Variants in ELOVL4 observed in about 807,000 individuals in gnomAD.
ELOVL4 encodes the protein very long chain fatty acid elongase 4.
ELOVL4 carries 18 observed loss-of-function variants against 42.1 expected under a neutral mutation model. The observed-to-expected ratio is 0.43, with a 90% CI of 0.30 to 0.63. The LOEUF is 0.63. ELOVL4 is among the 30% of genes least tolerant of loss of function. ELOVL4 has a pLI of 0.15. For synonymous variants in ELOVL4, 117 were observed against 127.0 expected (o/e 0.92, Z 0.53); for missense variants, 299 against 376.2 (o/e 0.79, Z 1.70).
chr6:79,946,040 T>C (rs1378573954), intron 1 of ELOVL4, among the ~76,000 whole-genome samples: 2 of 152,208 alleles, frequency 1.3e-5, no homozygotes, highest in African/African-American at 2.4e-5. Flanking sequence ...ATTCATGCTG[T>C]AACCACTGTC....
intron 3 of ELOVL4, 129 bp from the exon 4 acceptor site, chr6:79,921,925 G>T: frequency 1.1e-6 from 1 of 877,314 alleles, no homozygotes; most frequent in Non-Finnish European, 1.8e-6. Flanking sequence ...AATCATTAAT[G>T]GCTAAGTAGG....
At chr6:79,947,105 C>T (rs879159072) in intron 1 of ELOVL4, 75 bp downstream of exon 1, 3 of 1,267,044 alleles carry the variant, frequency 2.4e-6, no homozygotes, top group South Asian at 2.5e-5. Context: ...GGGGCCGGGC[C>T]CGGGAGCTGC....
chr6:79,941,197 A>G (rs1050155470), intron 1 of ELOVL4, among the ~76,000 whole-genome samples: 1 of 152,208 alleles, frequency 6.6e-6, no homozygotes, highest in African/African-American at 2.4e-5. Context: ...AGAGTCAGGT[A>G]GGACCTTACA....
rs80322330 is a variant in ELOVL4, at chr6:79,935,885, T to C, written c.101-9504A>G. On this transcript the variant is annotated intron_variant, in intron 1 of 5. Transcript: ENST00000369816. Reference sequence around the variant, plus strand: ...CCCTTGTTATTCAAAGTAGAGTCCATGCACCAGCAGAAAAGCATCACCTGG... The same window carrying C: ...CCCTTGTTATTCAAAGTAGAGTCCACGCACCAGCAGAAAAGCATCACCTGG... 8.9e-4 allele frequency among the ~76,000 whole-genome samples: 136 copies of C among 152,240 alleles called. 2 individuals are homozygous for C. In the East Asian group the frequency reaches 0.024, roughly 27 times the overall value.
intron 1 of ELOVL4, among the ~76,000 whole-genome samples, chr6:79,940,274 C>T (rs975032942): frequency 2.0e-5 from 3 of 152,066 alleles, no homozygotes; most frequent in Non-Finnish European, 1.5e-5. Context: ...AAATTTTACT[C>T]TAATACAATA....
intron 2 of ELOVL4, 87 bp from the exon 3 acceptor site, chr6:79,925,119 A>G (rs748216119): frequency 2.8e-4 from 255 of 903,304 alleles, no homozygotes; most frequent in Non-Finnish European, 1.1e-4. Flanking sequence ...AGCCTTTCAA[A>G]TTATTTTAAA....
intron 4 of ELOVL4, 48 bp from the exon 5 acceptor site, chr6:79,919,595 G>C (rs756811219): frequency 1.3e-6 from 2 of 1,560,774 alleles, no homozygotes; most frequent in East Asian, 4.5e-5. Context: ...ATTTTATTAG[G>C]CAGTAAGCCA....
intron 1 of ELOVL4, among the ~76,000 whole-genome samples, chr6:79,946,680 G>A (rs1393060473): frequency 6.6e-6 from 1 of 152,214 alleles, no homozygotes; most frequent in Admixed American, 6.5e-5. Flanking sequence ...CTAGATAGAA[G>A]AAAAGATTAG....
intron 5 of ELOVL4, 128 bp downstream of exon 5, chr6:79,919,292 A>G: frequency 1.9e-6 from 2 of 1,063,410 alleles, no homozygotes; most frequent in Non-Finnish European, 2.8e-6. Flanking sequence ...CATAACTGCG[A>G]TATAGCTGGA....
Position 79,916,563 on chromosome 6 carries a change from G to C in ELOVL4, c.*45C>G, listed in dbSNP as rs543317096. On this transcript the variant is annotated 3_prime_UTR_variant, in exon 6 of 6. Transcript: ENST00000369816. ...TTTTCCCTGAAATTTTATATGATAT[G>C]GGAGTTTTTCCTCACTGTCAACAAC... 5 of 1,609,020 alleles carry C rather than the reference G, an allele frequency of 3.1e-6. No individual in the cohort carries two copies. The highest frequency in any genetic ancestry group is 4.5e-5 in the East Asian group (2 of 44,842).
At chr6:79,936,068 G>A (rs1403660535) in intron 1 of ELOVL4, among the ~76,000 whole-genome samples, 1 of 152,164 alleles carries the variant, frequency 6.6e-6, no homozygotes, top group Non-Finnish European at 1.5e-5. Context: ...AGGCAATTAA[G>A]TCACAAAATA....
intron 1 of ELOVL4, among the ~76,000 whole-genome samples, chr6:79,937,533 G>A (rs1171405336): frequency 1.3e-5 from 2 of 152,060 alleles, no homozygotes; most frequent in Non-Finnish European, 2.9e-5. Context: ...CTGGAAAATG[G>A]GGATAATAAC....
intron 3 of ELOVL4, among the ~76,000 whole-genome samples, chr6:79,924,053 T>C (rs1183785505): frequency 8.5e-5 from 13 of 152,196 alleles, no homozygotes; most frequent in African/African-American, 3.1e-4. Context: ...CCACAGTATA[T>C]AAGAAGAGTT....
chr6:79,941,701 A>G (rs1353318630), intron 1 of ELOVL4, among the ~76,000 whole-genome samples: 4 of 152,270 alleles, frequency 2.6e-5, no homozygotes, highest in Admixed American at 1.3e-4. Flanking sequence ...CACTCTATGA[A>G]AAACAAAAAC....
chr6:79,932,865 G>A (rs573007871), intron 1 of ELOVL4, among the ~76,000 whole-genome samples: 1 of 152,208 alleles, frequency 6.6e-6, no homozygotes, highest in East Asian at 1.9e-4. Flanking sequence ...AAGGGGAGAA[G>A]GCAGGGTATA....
rs578261043 is a variant in ELOVL4 at position 79,915,570 on chromosome 6, T to A, written c.*1038A>T. 1.2e-4 allele frequency: 18 copies of A among 152,258 alleles called. No individual in the cohort carries two copies. Among genetic ancestry groups the A allele is most frequent in the African/African-American group, 4.1e-4 (17 of 41,434 alleles). 9.4% of individuals were successfully genotyped at this position (152,258 alleles called of 1,614,324 possible). On this transcript the variant is annotated 3_prime_UTR_variant, in exon 6 of 6. Coordinates refer to ENST00000369816, the MANE Select transcript of ELOVL4 (RefSeq NM_022726.4). ...AATGTTTGGTGTATGCTATTTGTCATAAAAGCAAAAAAAATACTAGTGGAT... is the reference window on the plus strand; with the variant it reads ...AATGTTTGGTGTATGCTATTTGTCAAAAAAGCAAAAAAAATACTAGTGGAT...
intron 1 of ELOVL4, among the ~76,000 whole-genome samples, chr6:79,938,156 G>A (rs751257762): frequency 1.2e-4 from 18 of 152,198 alleles, no homozygotes; most frequent in African/African-American, 2.2e-4. Context: ...ATGTTGCCTC[G>A]TTTCCTGGAA....
At chr6:79,921,385 C>T (rs1429637727) in intron 4 of ELOVL4, among the ~76,000 whole-genome samples, 3 of 133,826 alleles carry the variant, frequency 2.2e-5, no homozygotes, top group East Asian at 2.4e-4. Context: ...CGCTGGAACC[C>T]GGGAGGTGGA....
At position 79,925,012 on chromosome 6, in the gene ELOVL4, A is replaced by G. The variant is rs776497004; in HGVS notation, c.309T>C (p.Asn103=). The change falls in exon 3 of 6, where the codon AAT becomes AAC. Residue 103 remains asparagine, a synonymous_variant. Coordinates refer to ENST00000369816, the MANE Select transcript of ELOVL4 (RefSeq NM_022726.4). ...IFRELFMGSY[N]AGYSYICQSV... Reference sequence around the variant, plus strand: ...TCTGGCAAATATAGCTATATCCCGCATTATATGATCCCATGAATAACTGGA... The same window carrying G: ...TCTGGCAAATATAGCTATATCCCGCGTTATATGATCCCATGAATAACTGGA... The G allele has an allele frequency of 3.1e-6, 5 of 1,605,322 alleles. No homozygotes were observed. In the Admixed American group the frequency reaches 6.7e-5, roughly 21 times the overall value.
Sources: allele counts gnomAD v4.1 joint callset (sites outside exome capture counted in the v4.1 genomes callset), GRCh38; gene constraint gnomAD v4.1.1; transcripts MANE v1.5; gene names NCBI Gene and HGNC (gene_info 2026-07-23, HGNC 2026-07-21).